Variants in GNA12 observed in about 807,000 individuals in gnomAD.
GNA12 encodes the protein G protein subunit alpha 12, also known as guanine nucleotide-binding protein subunit alpha-12.
In GNA12, 9 loss-of-function variants were observed where a neutral mutation model predicts 26.0. The ratio of observed to expected loss-of-function variants is 0.35; its 90% CI spans 0.21 to 0.60. The LOEUF (loss-of-function observed/expected upper bound fraction) is 0.60, where lower values mean the gene tolerates loss of function less well. Ranked by LOEUF, GNA12 falls within the 20% of genes least tolerant of loss-of-function variation. GNA12 has a pLI of 0.78. For synonymous variants in GNA12, 264 were observed against 219.6 expected, an observed-to-expected ratio of 1.20 and a Z score of -1.79; for missense variants, 405 against 525.8, an observed-to-expected ratio of 0.77 and a Z score of 2.25.
At chr7:2,733,064 T>C (rs1233775779) in intron 3 of GNA12, among the ~76,000 whole-genome samples, 1 of 152,230 alleles carries the variant, frequency 6.6e-6, no homozygotes, top group Admixed American at 6.5e-5. Flanking sequence ...AAATATTCTC[T>C]GCATTTGCTC....
chr7:2,799,263 T>C (rs1481875925), intron 1 of GNA12, among the ~76,000 whole-genome samples: 2 of 152,210 alleles, frequency 1.3e-5, no homozygotes, highest in Admixed American at 6.5e-5. Flanking sequence ...AGGACTCATT[T>C]AGAATATACA....
chr7:2,764,269 G>C (rs1355045613), intron 2 of GNA12, among the ~76,000 whole-genome samples: 4 of 144,384 alleles, frequency 2.8e-5, no homozygotes. Flanking sequence ...TTTTAATAAA[G>C]ATGGGATCTC....
chr7:2,836,186 C>T (rs1778832779), intron 1 of GNA12, among the ~76,000 whole-genome samples: 1 of 152,122 alleles, frequency 6.6e-6, no homozygotes, highest in African/African-American at 2.4e-5. Flanking sequence ...GTAATGAAGT[C>T]CTCGCACTAT....
At chr7:2,762,592 C>T (rs1388386714) in intron 2 of GNA12, 1 of 1,504,922 alleles carries the variant, frequency 6.6e-7, no homozygotes, top group African/African-American at 1.4e-5. Flanking sequence ...ATTTACAAAC[C>T]CAAAAAAGGA....
At chr7:2,757,012 T>C (rs1583245239) in intron 2 of GNA12, among the ~76,000 whole-genome samples, 2 of 151,982 alleles carry the variant, frequency 1.3e-5, no homozygotes, top group Non-Finnish European at 2.9e-5. Flanking sequence ...AGTTCGAGGC[T>C]GCAGTGAACC....
chr7:2,739,975 C>T (rs1348281593), intron 2 of GNA12, among the ~76,000 whole-genome samples: 1 of 152,084 alleles, frequency 6.6e-6, no homozygotes, highest in Non-Finnish European at 1.5e-5. Flanking sequence ...GCCCGGCAGT[C>T]CTTTGGTAAT....
chr7:2,769,657 C>T (rs892535694), intron 2 of GNA12, among the ~76,000 whole-genome samples: 2 of 152,006 alleles, frequency 1.3e-5, no homozygotes, highest in Non-Finnish European at 2.9e-5. Context: ...GGCACGAACC[C>T]GGGAGGTGGA....
chr7:2,808,975 C>A (rs74919938), intron 1 of GNA12, among the ~76,000 whole-genome samples: 1 of 152,220 alleles, frequency 6.6e-6, no homozygotes, highest in Admixed American at 6.5e-5. Context: ...GATAGCCGCA[C>A]GGCTCACTTC....
At chr7:2,744,128 T>A (rs967054306) in intron 2 of GNA12, among the ~76,000 whole-genome samples, 1 of 152,202 alleles carries the variant, frequency 6.6e-6, no homozygotes, top group Non-Finnish European at 1.5e-5. Context: ...AGCAGTAACC[T>A]CTGCAGACTT....
At chr7:2,748,164 A>C (rs1324358155) in intron 2 of GNA12, among the ~76,000 whole-genome samples, 3 of 150,812 alleles carry the variant, frequency 2.0e-5, no homozygotes, top group Non-Finnish European at 4.4e-5. Flanking sequence ...AACTACTTTA[A>C]AGTTCATATG....
In GNA12 at chr7:2,780,051, CATATATATATAT is replaced by C. The variant is rs3996399; in HGVS notation, c.525+14865_525+14876del. The stretch of plus-strand genomic sequence containing the variant: ...CTAGTTTTTTACACATTTCTGTGTA[CATATATATATAT>C]ATATATATATATATATATATATATA... On this transcript the variant is annotated intron_variant, in intron 2 of 3. Coordinates refer to ENST00000275364, the MANE Select transcript of GNA12 (RefSeq NM_007353.3). 0.011 allele frequency among the ~76,000 whole-genome samples: 656 copies of C among 62,206 alleles called. 35 individuals are homozygous for C. The East Asian group carries it at 0.17, about 16-fold the overall frequency. The allele number at this position is 62,206 out of a possible 152,430, so 40.8% of individuals were successfully genotyped here.
In GNA12 at chr7:2,733,476, T is replaced by C; in HGVS notation, c.551A>G (p.Asp184Gly). 6.2e-7 allele frequency: 1 copy of C among 1,613,942 alleles called. No individual in the cohort carries two copies. The highest frequency in any genetic ancestry group is 1.3e-5 in the African/African-American group (1 of 75,026). ...CAGCTGGCCGATCCGGTCCAAGTTG[T>C]CCAGGAAGTACTTCACCGACTCCCC... The part of the protein sequence containing the change: ...QLGESVKYFL[D>G]NLDRIGQLNY... Residue 184 changes from aspartate (D) to glycine (G), a missense_variant, in exon 3 of 4, where the codon GAC becomes GGC. Transcript: ENST00000275364.
chr7:2,758,978 A>G (rs1218054218), intron 2 of GNA12, among the ~76,000 whole-genome samples: 1 of 151,916 alleles, frequency 6.6e-6, no homozygotes, highest in African/African-American at 2.4e-5. Context: ...CGTCTCTACT[A>G]AAAATACAAA....
chr7:2,730,970 GC>G lies in GNA12; in HGVS notation c.*210del. 1 of 525,958 alleles carries G rather than the reference GC, an allele frequency of 1.9e-6. No individual in the cohort carries two copies. The highest frequency in any genetic ancestry group is 3.4e-6 in the Non-Finnish European group (1 of 293,154). 32.6% of individuals were successfully genotyped at this position (525,958 alleles called of 1,614,324 possible). A position where few individuals can be genotyped will look rare whatever the true frequency, so the allele number is the denominator to read the frequency against. The stretch of plus-strand genomic sequence containing the variant: ...ACTCGGATTTTCAGTAGTTTCACTC[GC>G]CCCCAGGATTCAGTAGCTAACGTGA... On this transcript the variant is annotated 3_prime_UTR_variant, in exon 4 of 4. Coordinates refer to ENST00000275364, the MANE Select transcript of GNA12 (RefSeq NM_007353.3).
chr7:2,816,095 T>A (rs532381037), intron 1 of GNA12, among the ~76,000 whole-genome samples: 5 of 152,316 alleles, frequency 3.3e-5, no homozygotes, highest in African/African-American at 1.2e-4. Context: ...GCACTGTTGG[T>A]CGCAGGGAAA....
chr7:2,832,350 C>A (rs1303636078), intron 1 of GNA12, among the ~76,000 whole-genome samples: 1 of 152,192 alleles, frequency 6.6e-6, no homozygotes, highest in Non-Finnish European at 1.5e-5. Context: ...GAGCACAAAG[C>A]CTAGCTCTGA....
At chr7:2,754,430 T>C (rs1263376479) in intron 2 of GNA12, among the ~76,000 whole-genome samples, 1 of 152,150 alleles carries the variant, frequency 6.6e-6, no homozygotes, top group East Asian at 1.9e-4. Flanking sequence ...GTCTGTAGCT[T>C]GTCTTTTCAT....
intron 2 of GNA12, among the ~76,000 whole-genome samples, chr7:2,760,024 A>ATAT (rs1791483451): frequency 6.6e-6 from 1 of 152,266 alleles, no homozygotes; most frequent in Admixed American, 6.5e-5. Context: ...CAGTTTTAAA[A>ATAT]GTATTTTTTA....
At chr7:2,794,678 T>G in intron 2 of GNA12, 1 of 528,042 alleles carries the variant, frequency 1.9e-6, no homozygotes, top group East Asian at 3.3e-5. Context: ...CTGATGATTC[T>G]AAGAACCCTC....
Sources: allele counts gnomAD v4.1 joint callset (sites outside exome capture counted in the v4.1 genomes callset), GRCh38; gene constraint gnomAD v4.1.1; transcripts MANE v1.5; gene names NCBI Gene and HGNC (gene_info 2026-07-23, HGNC 2026-07-21).